RARRES1: variants seen among roughly 807,000 people sequenced by gnomAD.
The protein encoded by RARRES1 is retinoic acid receptor responder protein 1.
In RARRES1, 34 loss-of-function variants were observed where a neutral mutation model predicts 30.6. The ratio of observed to expected loss-of-function variants is 1.11; its 90% CI spans 0.84 to 1.48. The LOEUF is 1.48. Among genes scored for constraint, RARRES1 ranks in the 40% most tolerant of loss-of-function variants. RARRES1 has a pLI of 0.00. For missense variants in RARRES1, 373 were observed against 386.5 expected, an observed-to-expected ratio of 0.97 and a Z score of 0.29; for synonymous variants, 153 against 155.5, an observed-to-expected ratio of 0.98 and a Z score of 0.12.
At chr3:158,708,169 C>A (rs1217392862) in intron 3 of RARRES1, among the ~76,000 whole-genome samples, 1 of 152,118 alleles carries the variant, frequency 6.6e-6, no homozygotes. Flanking sequence ...AATTCAATAT[C>A]TTGGATATAA....
intron 2 of RARRES1, 41 bp from the exon 3 acceptor site, chr3:158,710,974 C>T: frequency 2.6e-6 from 4 of 1,544,534 alleles, no homozygotes. Flanking sequence ...TCCCACTCAC[C>T]CCAGTGCACA....
At chr3:158,710,294 G>A (rs1727073501) in intron 3 of RARRES1, among the ~76,000 whole-genome samples, 1 of 148,024 alleles carries the variant, frequency 6.8e-6, no homozygotes, top group Non-Finnish European at 1.5e-5. Context: ...TGCAACCTCC[G>A]CCTCCCAGGT....
At position 158,718,985 on chromosome 3, in the gene RARRES1, A is replaced by G. The variant is rs1032945060; in HGVS notation, c.277-5126T>C. ...TACAGTGATTTCATTCCTTTCCCCA[A>G]CACACTGCCAGAACTGCCCATCTGT... On this transcript the variant is annotated intron_variant, in intron 1 of 5. Coordinates refer to ENST00000237696, the MANE Select transcript of RARRES1 (RefSeq NM_206963.2). 3.3e-5 allele frequency among the ~76,000 whole-genome samples: 5 copies of G among 152,348 alleles called. No homozygotes were observed. In the South Asian group the frequency reaches 8.3e-4, roughly 25 times the overall value.
At chr3:158,713,730 C>G (rs1727222578) in intron 2 of RARRES1, 67 bp downstream of exon 2, 1 of 1,437,304 alleles carries the variant, frequency 7.0e-7, no homozygotes, top group Non-Finnish European at 9.6e-7. Context: ...TTAAGATTCT[C>G]ACTTTTTTAC....
intron 1 of RARRES1, among the ~76,000 whole-genome samples, chr3:158,730,055 C>T (rs995091911): frequency 1.3e-5 from 2 of 151,960 alleles, no homozygotes; most frequent in East Asian, 2.0e-4. Flanking sequence ...GGCACGGTGG[C>T]TCATGCCTGT....
At position 158,710,923 on chromosome 3, in the gene RARRES1, T is replaced by C; in HGVS notation, c.350A>G (p.Gln117Arg). ...TTTCCCCAAACGTCCCTCACCTTCCTGAAGTAAAGACTGTGGAGTTAAACA... is the reference window on the plus strand; with the variant it reads ...TTTCCCCAAACGTCCCTCACCTTCCCGAAGTAAAGACTGTGGAGTTAAACA... ...TERYNPESLL[Q>R]EGEGRLGKCS... The change falls in exon 3 of 6, where the codon CAG becomes CGG. Residue 117 changes from glutamine (Q) to arginine (R), a missense_variant. By Grantham distance (43) the Gln-to-Arg change is conservative. Transcript: ENST00000237696. The C allele has an allele frequency of 6.2e-7, 1 of 1,613,786 alleles. No homozygotes were observed. The highest frequency in any genetic ancestry group is 8.5e-7 in the Non-Finnish European group (1 of 1,179,780).
At chr3:158,719,361 T>C (rs1210372307) in intron 1 of RARRES1, among the ~76,000 whole-genome samples, 2 of 147,578 alleles carry the variant, frequency 1.4e-5, no homozygotes, top group Non-Finnish European at 3.0e-5. Context: ...ACCCTCCACC[T>C]CCCGGGTTCA....
intron 1 of RARRES1, among the ~76,000 whole-genome samples, chr3:158,728,602 C>A (rs932320321): frequency 1.5e-4 from 22 of 150,664 alleles, no homozygotes; most frequent in East Asian, 3.9e-4. Context: ...TTGCTCACTG[C>A]AACCTCTGCC....
chr3:158,700,217 GTGTGTGTATA>G (rs1050447296), intron 4 of RARRES1, among the ~76,000 whole-genome samples: 1 of 150,644 alleles, frequency 6.6e-6, no homozygotes, highest in African/African-American at 2.5e-5. Context: ...GTGTGTGTGT[GTGTGTGTATA>G]TATATATATA....
At chr3:158,722,658 G>A (rs983528334) in intron 1 of RARRES1, among the ~76,000 whole-genome samples, 10 of 152,082 alleles carry the variant, frequency 6.6e-5, no homozygotes, top group African/African-American at 1.9e-4. Context: ...CGAAGTGGGC[G>A]GATCACGAGG....
intron 1 of RARRES1, among the ~76,000 whole-genome samples, chr3:158,720,002 C>G (rs1016991132): frequency 6.6e-6 from 1 of 152,146 alleles, no homozygotes. Context: ...TACCCATGTA[C>G]TAACCTATTA....
chr3:158,727,789 G>C (rs1477612113), intron 1 of RARRES1, among the ~76,000 whole-genome samples: 1 of 152,170 alleles, frequency 6.6e-6, no homozygotes, highest in Non-Finnish European at 1.5e-5. Flanking sequence ...AAGGCATCAG[G>C]TGGGGGCAGT....
At chr3:158,727,829 C>T (rs375147515) in intron 1 of RARRES1, among the ~76,000 whole-genome samples, 5 of 152,302 alleles carry the variant, frequency 3.3e-5, no homozygotes, top group South Asian at 2.1e-4. Flanking sequence ...TCTGTGATTT[C>T]GCCTACAATT....
At chr3:158,721,001 A>G (rs1373615302) in intron 1 of RARRES1, among the ~76,000 whole-genome samples, 14 of 152,226 alleles carry the variant, frequency 9.2e-5, no homozygotes, top group Admixed American at 9.2e-4. Context: ...AGATGGAAGT[A>G]AAGGTGATCC....
At position 158,732,135 on chromosome 3, in the gene RARRES1, C is replaced by G. The variant is rs1727915825; in HGVS notation, c.276+5G>C. The G allele has an allele frequency of 7.3e-7, 1 of 1,361,496 alleles. No individual in the cohort carries two copies. Among genetic ancestry groups the G allele is most frequent in the Non-Finnish European group, 9.4e-7 (1 of 1,065,578 alleles). 84.3% of individuals were successfully genotyped at this position (1,361,496 alleles called of 1,614,324 possible). On this transcript the variant is annotated splice_donor_5th_base_variant and intron_variant, in intron 1 of 5. Coordinates refer to ENST00000237696, the MANE Select transcript of RARRES1 (RefSeq NM_206963.2). ...GCGTGCCCCGGCGCGTCGCTCCGCA[C>G]TCACCCACGCGCGGCCCTCCTGCAC...
intron 4 of RARRES1, among the ~76,000 whole-genome samples, chr3:158,701,910 T>TGC (rs1347886144): frequency 6.6e-6 from 1 of 152,212 alleles, no homozygotes; most frequent in Admixed American, 6.5e-5. Flanking sequence ...TGAAATGATT[T>TGC]GCCTTGGATG....
At chr3:158,711,519 C>T (rs565809443) in intron 2 of RARRES1, among the ~76,000 whole-genome samples, 1 of 152,180 alleles carries the variant, frequency 6.6e-6, no homozygotes, top group East Asian at 1.9e-4. Context: ...AGATCTAATC[C>T]AGAAGAAATG....
intron 1 of RARRES1, among the ~76,000 whole-genome samples, chr3:158,726,727 A>G (rs570968159): frequency 1.0e-4 from 16 of 152,388 alleles, no homozygotes; most frequent in East Asian, 3.9e-4. Flanking sequence ...TCATTCCACC[A>G]TAAGTAAACA....
intron 3 of RARRES1, 136 bp downstream of exon 3, chr3:158,710,602 A>G: frequency 1.2e-6 from 1 of 818,602 alleles, no homozygotes; most frequent in Non-Finnish European, 1.9e-6. Context: ...AGTTTTGTTT[A>G]AATTATGAGG....
Sources: gnomAD v4.1 joint callset for allele counts (sites outside exome capture counted in the v4.1 genomes callset) on GRCh38, gnomAD v4.1.1 for gene constraint, MANE v1.5 for transcripts, NCBI Gene and HGNC (gene_info 2026-07-23, HGNC 2026-07-21) for gene names.